NHERF2: variants seen among roughly 807,000 people sequenced by gnomAD.
NHERF2 encodes Na(+)/H(+) exchange regulatory cofactor NHE-RF2.
chr16:2,027,245 C>T, the NHERF2 span: 5 of 1,246,068 alleles, frequency 4.0e-6, no homozygotes, highest in South Asian at 2.5e-5. Flanking sequence ...GCCCCCGGCC[C>T]GCCGCCCCCT....
chr16:2,036,581 G>A, the NHERF2 span: 1 of 1,519,992 alleles, frequency 6.6e-7, no homozygotes, highest in Non-Finnish European at 8.9e-7. Flanking sequence ...TTGCAGGGAG[G>A]AGGGAGACGC....
chr16:2,036,964 C>T, the NHERF2 span: 167 of 1,554,064 alleles, frequency 1.1e-4, no homozygotes, highest in East Asian at 5.9e-4. Flanking sequence ...GGTCCTCTGC[C>T]GTCACCCGTC....
At chr16:2,033,252 G>C in the NHERF2 span, 21 of 1,522,334 alleles carry the variant, frequency 1.4e-5, no homozygotes, top group Admixed American at 6.0e-5. Flanking sequence ...AGCCAGGGCC[G>C]CAGAGGGAGG....
chr16:2,029,759 C>T, the NHERF2 span: 1 of 1,553,596 alleles, frequency 6.4e-7, no homozygotes, highest in Non-Finnish European at 8.7e-7. Context: ...CACCGGCAGC[C>T]ACAGCTCCGA....
At chr16:2,027,181 TC>T in the NHERF2 span, 1 of 1,452,712 alleles carries the variant, frequency 6.9e-7, no homozygotes, top group Non-Finnish European at 9.1e-7. Flanking sequence ...CTGGTCGAGG[TC>T]AACGGCGTCA....
the NHERF2 span, chr16:2,036,221 G>T: frequency 8.2e-7 from 1 of 1,226,044 alleles, no homozygotes; most frequent in South Asian, 1.5e-5. Context: ...CCTGCCCGTG[G>T]GGGGCACGGT....
the NHERF2 span, chr16:2,036,885 G>A: frequency 6.2e-7 from 1 of 1,606,370 alleles, no homozygotes; most frequent in Non-Finnish European, 8.5e-7. Context: ...GTGGAAGGTG[G>A]GCCACGGCCC....
chr16:2,030,901 A>G, the NHERF2 span, among the ~76,000 whole-genome samples: 1 of 152,086 alleles, frequency 6.6e-6, no homozygotes, highest in Non-Finnish European at 1.5e-5. Flanking sequence ...AGATCCCGCC[A>G]TAGCACTCCA....
chr16:2,032,797 CAG>C, the NHERF2 span: 5 of 996,478 alleles, frequency 5.0e-6, no homozygotes, highest in South Asian at 4.4e-5. The surrounding 1 kb of genome is among the most constrained non-coding windows in gnomAD (Gnocchi z 4.0). Flanking sequence ...AGCCCCCAAA[CAG>C]AGACGGGGTG....
the NHERF2 span, chr16:2,037,724 C>G: frequency 6.4e-7 from 1 of 1,550,830 alleles, no homozygotes; most frequent in Non-Finnish European, 8.7e-7. Context: ...GAGCCCCAGC[C>G]CCAGCAGGCA....
chr16:2,036,884 G>GGGCC, the NHERF2 span: 8 of 1,606,670 alleles, frequency 5.0e-6, no homozygotes, highest in South Asian at 8.9e-5. Flanking sequence ...CGTGGAAGGT[G>GGGCC]GGCCACGGCC....
At chr16:2,035,793 C>A in the NHERF2 span, 2 of 611,410 alleles carry the variant, frequency 3.3e-6, no homozygotes, top group Non-Finnish European at 4.1e-6. Context: ...CCAGCCCCTG[C>A]TTGCTGGGCC....
the NHERF2 span, among the ~76,000 whole-genome samples, chr16:2,027,393 G>T: frequency 6.6e-6 from 1 of 151,912 alleles, no homozygotes; most frequent in African/African-American, 2.4e-5. Context: ...AGTCCTGCAC[G>T]GGGGTGGGGG....
chr16:2,038,554 C>G, the NHERF2 span: 16 of 340,848 alleles, frequency 4.7e-5, no homozygotes, highest in East Asian at 1.2e-3. Flanking sequence ...TCCCAGTGGC[C>G]AAGTTGGGGC....
At chr16:2,031,086 C>G in the NHERF2 span, among the ~76,000 whole-genome samples, 1 of 152,208 alleles carries the variant, frequency 6.6e-6, no homozygotes, top group Non-Finnish European at 1.5e-5. Flanking sequence ...CATTCACTTT[C>G]TCCCTTTCCC....
the NHERF2 span, chr16:2,036,384 C>G: frequency 6.2e-7 from 1 of 1,610,538 alleles, no homozygotes; most frequent in Non-Finnish European, 8.5e-7. Context: ...AAAGGGACCT[C>G]AGGGCTATGG....
the NHERF2 span, chr16:2,038,159 C>G: frequency 2.8e-6 from 2 of 713,228 alleles, no homozygotes; most frequent in Non-Finnish European, 4.6e-6. Context: ...GTACTGGGGG[C>G]CTGTGGCAGC....
At chr16:2,035,810 G>T in the NHERF2 span, 2 of 451,524 alleles carry the variant, frequency 4.4e-6, no homozygotes, top group South Asian at 9.5e-5. Flanking sequence ...GGCCCACGGG[G>T]GTGGGGCGGC....
At chr16:2,038,318 T>C in the NHERF2 span, 1 of 516,002 alleles carries the variant, frequency 1.9e-6, no homozygotes, top group South Asian at 1.7e-5. Flanking sequence ...TGCCGGGGCC[T>C]GCTGACTGAA....
Sources: gnomAD v4.1 joint callset for allele counts (sites outside exome capture counted in the v4.1 genomes callset) on GRCh38, gnomAD v4.1.1 for gene constraint, Gnocchi (gnomAD v3.1) non-coding constraint, MANE v1.5 for transcripts, NCBI Gene and HGNC (gene_info 2026-07-23, HGNC 2026-07-21) for gene names.